CIRSR: variants seen among roughly 807,000 people sequenced by gnomAD.
The protein encoded by CIRSR is corepressor of RBPJ and splicing regulator, also known as CBF1 (RBPJ) interacting corepressor 1.
the CIRSR span, among the ~76,000 whole-genome samples, chr2:174,371,168 T>C: frequency 6.6e-6 from 1 of 152,124 alleles, no homozygotes; most frequent in South Asian, 2.1e-4. Context: ...CTTTCTTGGG[T>C]AACAAAAATA....
chr2:174,369,594 T>C, the CIRSR span, among the ~76,000 whole-genome samples: 1 of 152,228 alleles, frequency 6.6e-6, no homozygotes, highest in Non-Finnish European at 1.5e-5. Flanking sequence ...TTCTAGCTTT[T>C]GATTAAAGTG....
chr2:174,351,695 G>A, the CIRSR span: 75 of 1,612,924 alleles, frequency 4.6e-5, no homozygotes, highest in South Asian at 8.8e-5. Flanking sequence ...TCTCATCTCC[G>A]CTATTAGCTC....
chr2:174,356,562 A>G, the CIRSR span, among the ~76,000 whole-genome samples: 9 of 124,350 alleles, frequency 7.2e-5, no homozygotes, highest in Non-Finnish European at 1.5e-4. Context: ...AAAGGAAGAA[A>G]GAAAGGAGAA....
At chr2:174,349,110 T>C in the CIRSR span, 1 of 1,510,968 alleles carries the variant, frequency 6.6e-7, no homozygotes, top group Non-Finnish European at 8.8e-7. Context: ...ACTTCTGCTC[T>C]TCTGAAACTT....
the CIRSR span, among the ~76,000 whole-genome samples, chr2:174,353,767 A>T: frequency 6.6e-6 from 1 of 152,142 alleles, no homozygotes; most frequent in Non-Finnish European, 1.5e-5. Flanking sequence ...CGCCCGGCTC[A>T]ATTAAGAGCT....
the CIRSR span, among the ~76,000 whole-genome samples, chr2:174,355,029 A>G: frequency 2.7e-4 from 41 of 151,988 alleles, no homozygotes; most frequent in East Asian, 1.9e-3. Context: ...CCTATCAACC[A>G]AAGTTCTGAG....
At chr2:174,369,555 A>G in the CIRSR span, among the ~76,000 whole-genome samples, 153 of 152,338 alleles carry the variant, frequency 1.0e-3, 1 homozygote, top group East Asian at 0.011. Flanking sequence ...CTCGGCTTTC[A>G]ACATGCTTTC....
the CIRSR span, among the ~76,000 whole-genome samples, chr2:174,394,632 A>G: frequency 6.6e-6 from 1 of 152,242 alleles, no homozygotes; most frequent in Non-Finnish European, 1.5e-5. Flanking sequence ...TTAAGAAAAA[A>G]TGTTTAATAA....
the CIRSR span, among the ~76,000 whole-genome samples, chr2:174,353,316 A>G: frequency 2.0e-5 from 3 of 152,216 alleles, no homozygotes; most frequent in Admixed American, 2.0e-4. Context: ...CTTCTATACA[A>G]AATGTTTAAT....
the CIRSR span, among the ~76,000 whole-genome samples, chr2:174,354,440 AATATATT>A: frequency 4.6e-5 from 2 of 43,800 alleles, no homozygotes; most frequent in Non-Finnish European, 8.8e-5. Context: ...TGATATATAT[AATATATT>A]ATATAATATA....
chr2:174,348,807 C>T, the CIRSR span: 1 of 1,614,206 alleles, frequency 6.2e-7, no homozygotes, highest in South Asian at 1.1e-5. Context: ...GCTCCATTTG[C>T]TGTCCTCCCT....
the CIRSR span, among the ~76,000 whole-genome samples, chr2:174,359,660 C>A: frequency 1.1e-4 from 16 of 152,104 alleles, no homozygotes; most frequent in Non-Finnish European, 2.9e-5. Context: ...GGCAATTCCT[C>A]AAGGATGTAG....
At chr2:174,385,211 C>T in the CIRSR span, among the ~76,000 whole-genome samples, 4 of 123,486 alleles carry the variant, frequency 3.2e-5, no homozygotes, top group Non-Finnish European at 6.8e-5. Context: ...TGAGACCTTC[C>T]TCTCAAAAAA....
chr2:174,349,143 T>C, the CIRSR span: 3 of 1,477,594 alleles, frequency 2.0e-6, no homozygotes, highest in African/African-American at 4.3e-5. Flanking sequence ...ATCTTTTTTC[T>C]TTTTTTTCTT....
the CIRSR span, among the ~76,000 whole-genome samples, chr2:174,355,073 C>A: frequency 2.6e-5 from 4 of 152,030 alleles, no homozygotes; most frequent in East Asian, 7.7e-4. Context: ...TGAAACAAGT[C>A]AGGTTTAATC....
chr2:174,350,603 T>C, the CIRSR span: 2 of 1,119,544 alleles, frequency 1.8e-6, no homozygotes, highest in African/African-American at 1.6e-5. Context: ...TTGAATACGA[T>C]ACTGAGATGA....
At chr2:174,395,503 G>A in the CIRSR span, 2 of 1,568,614 alleles carry the variant, frequency 1.3e-6, no homozygotes, top group Non-Finnish European at 8.8e-7. Context: ...CAGCCTCTGG[G>A]AAGGCGGTCC....
At chr2:174,384,149 C>T in the CIRSR span, among the ~76,000 whole-genome samples, 1 of 152,124 alleles carries the variant, frequency 6.6e-6, no homozygotes, top group East Asian at 1.9e-4. Flanking sequence ...GATGGATAAA[C>T]AAAATGTGGT....
chr2:174,359,748 G>A, the CIRSR span, among the ~76,000 whole-genome samples: 1 of 152,114 alleles, frequency 6.6e-6, no homozygotes, highest in Admixed American at 6.5e-5. Flanking sequence ...CTACTATAAA[G>A]ACACATGCAC....
Sources: allele counts gnomAD v4.1 joint callset (sites outside exome capture counted in the v4.1 genomes callset), GRCh38; gene constraint gnomAD v4.1.1; transcripts MANE v1.5; gene names NCBI Gene and HGNC (gene_info 2026-07-23, HGNC 2026-07-21).